RAB3C: variants seen among roughly 807,000 people sequenced by gnomAD.
RAB3C encodes the protein ras-related protein Rab-3C.
In RAB3C, 17 loss-of-function variants were observed where a neutral mutation model predicts 26.4. The observed-to-expected ratio is 0.64, with a 90% CI of 0.44 to 0.97. RAB3C has a LOEUF of 0.97. Among genes scored for constraint, RAB3C ranks in the 50% least tolerant of loss-of-function variants. RAB3C has a pLI of 0.00. For synonymous variants in RAB3C, 91 were observed against 95.9 expected, an observed-to-expected ratio of 0.95 and a Z score of 0.30; for missense variants, 242 against 281.9, an observed-to-expected ratio of 0.86 and a Z score of 1.01.
chr5:58,833,146 A>G (rs1026252593), intron 4 of RAB3C, among the ~76,000 whole-genome samples: 6 of 152,100 alleles, frequency 3.9e-5, no homozygotes, highest in African/African-American at 1.2e-4. Context: ...AAAACAACAT[A>G]TGTTTGGAGA....
rs1030981219 is a variant in RAB3C, at chr5:58,725,122, T to C, written c.253-880T>C. Among the ~76,000 whole-genome samples, 2 of 151,882 alleles carry C rather than the reference T, an allele frequency of 1.3e-5. 1 individual carries two copies. The highest frequency in any genetic ancestry group is 4.1e-4 in the South Asian group (2 of 4,830). ...CTTTAGCATTTGTAGATGGGTCTGG[T>C]GGTGGTGAATTTTCTCAGCTTTTGT... On this transcript the variant is annotated intron_variant, in intron 2 of 4. Transcript: ENST00000282878.
At chr5:58,698,563 A>T (rs1047691050) in intron 2 of RAB3C, among the ~76,000 whole-genome samples, 1 of 152,182 alleles carries the variant, frequency 6.6e-6, no homozygotes, top group Admixed American at 6.5e-5. Context: ...CAGGTCCACA[A>T]TCAAACGTAG....
chr5:58,807,161 C>T (rs1418828302), intron 3 of RAB3C, among the ~76,000 whole-genome samples: 4 of 152,168 alleles, frequency 2.6e-5, no homozygotes, highest in African/African-American at 9.7e-5. Flanking sequence ...CTTGCTGCTT[C>T]TTGCTTTTCC....
At position 58,852,501 on chromosome 5, in the gene RAB3C, C is replaced by G. The variant is rs1400090373; in HGVS notation, c.*1150C>G. Reference sequence around the variant, plus strand: ...AATCATCTTTTTAAGTCCAGATGTTCATAAATTCTAAAGCATATTCCTATT... The same window carrying G: ...AATCATCTTTTTAAGTCCAGATGTTGATAAATTCTAAAGCATATTCCTATT... On this transcript the variant is annotated 3_prime_UTR_variant, in exon 5 of 5. Coordinates refer to ENST00000282878, the MANE Select transcript of RAB3C (RefSeq NM_138453.4). 1 of 152,152 alleles carries G rather than the reference C, an allele frequency of 6.6e-6. No individual in the cohort carries two copies. Among genetic ancestry groups the G allele is most frequent in the Admixed American group, 6.5e-5 (1 of 15,278 alleles). 9.4% of individuals were successfully genotyped at this position (152,152 alleles called of 1,614,324 possible).
At chr5:58,645,536 G>A (rs925622414) in intron 2 of RAB3C, among the ~76,000 whole-genome samples, 7 of 152,130 alleles carry the variant, frequency 4.6e-5, no homozygotes, top group South Asian at 2.1e-4. Flanking sequence ...CCTACCCACC[G>A]TCATGAACAT....
intron 4 of RAB3C, among the ~76,000 whole-genome samples, chr5:58,835,723 ATTTG>A (rs1241447646): frequency 1.3e-5 from 2 of 152,000 alleles, no homozygotes; most frequent in Non-Finnish European, 2.9e-5. Context: ...TTCATTTTTT[ATTTG>A]TTTTTCTTTT....
intron 1 of RAB3C, 165 bp downstream of exon 1, chr5:58,583,397 T>C (rs1745946713): frequency 1.0e-6 from 1 of 955,214 alleles, no homozygotes; most frequent in Non-Finnish European, 1.2e-6. Context: ...CTTTACGCTC[T>C]GTGTGGCTGT....
intron 2 of RAB3C, among the ~76,000 whole-genome samples, chr5:58,638,376 T>C (rs1041401769): frequency 6.6e-6 from 1 of 152,180 alleles, no homozygotes; most frequent in African/African-American, 2.4e-5. Flanking sequence ...AGCTTGTTTT[T>C]CCTGAAAATA....
intron 4 of RAB3C, among the ~76,000 whole-genome samples, chr5:58,838,075 T>C (rs890216034): frequency 3.9e-5 from 6 of 152,184 alleles, no homozygotes; most frequent in African/African-American, 1.4e-4. Context: ...ATTTTGCTTA[T>C]TGTGTTATAA....
At chr5:58,589,052 T>C (rs55696051) in intron 1 of RAB3C, among the ~76,000 whole-genome samples, 21,408 of 152,086 alleles carry the variant, frequency 0.14, 1,806 homozygotes, top group African/African-American at 0.23. Context: ...TTTGTTACTA[T>C]GTTTCTTTGT....
intron 2 of RAB3C, among the ~76,000 whole-genome samples, chr5:58,637,005 C>T (rs1256370154): frequency 2.6e-5 from 4 of 151,342 alleles, no homozygotes; most frequent in African/African-American, 9.7e-5. Flanking sequence ...TTATTTGTTG[C>T]TGTTGTTGTT....
rs187647168 is a variant in RAB3C at position 58,808,748 on chromosome 5, G to C, written c.372-16290G>C. ...AGTTATTTTCTGCTACGTGGTGGAT[G>C]CTCTTTCTTATTTGTTCACCATGGT... is the stretch of plus-strand genomic sequence containing the variant. On this transcript the variant is annotated intron_variant, in intron 3 of 4. Transcript: ENST00000282878. 3.6e-3 allele frequency among the ~76,000 whole-genome samples: 548 copies of C among 152,268 alleles called. 1 individual carries two copies. Among genetic ancestry groups the C allele is most frequent in the Non-Finnish European group, 6.0e-3 (409 of 68,016 alleles).
chr5:58,707,760 A>T (rs293016), intron 2 of RAB3C, among the ~76,000 whole-genome samples: 53,728 of 152,014 alleles, frequency 0.35, 9,935 homozygotes, highest in East Asian at 0.42. Flanking sequence ...TAAATTGCCA[A>T]ATGTAATTTA....
chr5:58,599,605 A>G (rs1001836042), intron 1 of RAB3C, among the ~76,000 whole-genome samples: 2 of 152,152 alleles, frequency 1.3e-5, no homozygotes, highest in African/African-American at 4.8e-5. Context: ...AGTAAACTAC[A>G]TACTATGGGC....
At chr5:58,666,771 C>T (rs1483458470) in intron 2 of RAB3C, among the ~76,000 whole-genome samples, 3 of 152,112 alleles carry the variant, frequency 2.0e-5, no homozygotes, top group Non-Finnish European at 4.4e-5. Flanking sequence ...TCTCTGAAGA[C>T]AGATGATGAA....
intron 3 of RAB3C, among the ~76,000 whole-genome samples, chr5:58,805,458 G>T (rs1051762078): frequency 6.6e-6 from 1 of 151,702 alleles, no homozygotes; most frequent in Non-Finnish European, 1.5e-5. Flanking sequence ...GGTAGTGCGC[G>T]CCTATAATCC....
intron 2 of RAB3C, among the ~76,000 whole-genome samples, chr5:58,668,540 TGGA>T (rs1748046129): frequency 6.6e-6 from 1 of 152,180 alleles, no homozygotes; most frequent in Non-Finnish European, 1.5e-5. Context: ...GTCCCCTATA[TGGA>T]GATCACAGAG....
intron 2 of RAB3C, among the ~76,000 whole-genome samples, chr5:58,692,006 C>T (rs574887834): frequency 1.4e-4 from 22 of 152,262 alleles, no homozygotes; most frequent in African/African-American, 4.1e-4. Flanking sequence ...AATAAAGTGA[C>T]GCTTTTTCTT....
chr5:58,771,020 T>C (rs901410160), intron 3 of RAB3C, among the ~76,000 whole-genome samples: 1 of 152,196 alleles, frequency 6.6e-6, no homozygotes, highest in Non-Finnish European at 1.5e-5. Flanking sequence ...TGCTTCACTA[T>C]ATTTGTAATT....
Sources: allele counts gnomAD v4.1 joint callset (sites outside exome capture counted in the v4.1 genomes callset), GRCh38; gene constraint gnomAD v4.1.1; transcripts MANE v1.5; gene names NCBI Gene and HGNC (gene_info 2026-07-23, HGNC 2026-07-21).